RPE: variants seen among roughly 807,000 people sequenced by gnomAD.
RPE encodes the protein ribulose-phosphate 3-epimerase.
RPE carries 16 observed loss-of-function variants against 24.6 expected under a neutral mutation model. The ratio of observed to expected loss-of-function variants is 0.65; its 90% CI spans 0.44 to 0.99. The LOEUF is 0.99. RPE is among the 50% of genes least tolerant of loss of function. The probability of loss-of-function intolerance (pLI) is 0.00; values close to 1 mark genes in which losing one functional copy is unlikely to be tolerated. For synonymous variants in RPE, 93 were observed against 98.4 expected (o/e 0.94, Z 0.33); for missense variants, 240 against 294.5 (o/e 0.81, Z 1.35).
At chr2:210,009,795 A>C in intron 2 of RPE, 59 bp downstream of exon 2, 1 of 1,607,772 alleles carries the variant, frequency 6.2e-7, no homozygotes, top group Middle Eastern at 1.7e-4. Context: ...GGAAAACTGG[A>C]TGGTTGATTT....
chr2:210,012,353 G>T (rs1389445997), intron 2 of RPE, among the ~76,000 whole-genome samples: 2 of 152,198 alleles, frequency 1.3e-5, no homozygotes, highest in Non-Finnish European at 2.9e-5. Flanking sequence ...GTTTGCTGGT[G>T]CCTTAACCAA....
Position 210,009,732 on chromosome 2 carries a change from C to G in RPE, c.198C>G (p.Phe66Leu). Residue 66 changes from phenylalanine to leucine, a missense_variant, in exon 2 of 6, where the codon TTC (phenylalanine) becomes TTG (leucine). Transcript: ENST00000359429. ...GAAAGCAGCTAGGCCAGGACCCTTT[C>G]TTTGGTAAGTGGGTGTTACGCCATC... Reference protein sequence around the residue: ...SLRKQLGQDPFFDMHMMVSKP... With the variant: ...SLRKQLGQDPLFDMHMMVSKP... 6.2e-7 allele frequency: 1 copy of G among 1,614,116 alleles called. No homozygotes were observed. The highest frequency in any genetic ancestry group is 8.5e-7 in the Non-Finnish European group (1 of 1,179,992).
In RPE at chr2:210,002,787, A is replaced by G. The variant is rs749112173; in HGVS notation, c.122+4A>G. ...TGCACCTGGACGTAATGGACGGGTA[A>G]CTCCTCCGGGCTCCGGTCGGGCTTG... On this transcript the variant is annotated splice_donor_region_variant and intron_variant, in intron 1 of 5. Coordinates refer to ENST00000359429, the MANE Select transcript of RPE (RefSeq NM_199229.3). 3.7e-6 allele frequency: 6 copies of G among 1,612,914 alleles called. No homozygotes were observed. Among genetic ancestry groups the G allele is most frequent in the Admixed American group, 3.3e-5 (2 of 59,930 alleles).
chr2:210,017,817 T>C lies in RPE; in HGVS notation c.564+258T>C, dbSNP rs978638553. On this transcript the variant is annotated intron_variant, in intron 5 of 5. Transcript: ENST00000359429. Reference sequence around the variant, plus strand: ...TGGAGTGCAGTGGCGTGATCTCTGCTCACTGCAATCTCTGCCTGCCGGGTT... The same window carrying C: ...TGGAGTGCAGTGGCGTGATCTCTGCCCACTGCAATCTCTGCCTGCCGGGTT... 6.8e-6 allele frequency: 4 copies of C among 588,876 alleles called. No homozygotes were observed. In the African/African-American group the frequency reaches 7.8e-5, roughly 11 times the overall value. 36.5% of individuals were successfully genotyped at this position (588,876 alleles called of 1,614,324 possible).
chr2:210,014,695 T>C (rs1019573280), intron 2 of RPE, among the ~76,000 whole-genome samples: 7 of 151,462 alleles, frequency 4.6e-5, no homozygotes, highest in Admixed American at 2.0e-4. Context: ...ATCTTGACTT[T>C]ATTAGTCAAG....
intron 1 of RPE, 65 bp downstream of exon 1, chr2:210,002,848 C>T: frequency 6.2e-7 from 1 of 1,612,674 alleles, no homozygotes; most frequent in Non-Finnish European, 8.5e-7. Flanking sequence ...CCTTTATTGA[C>T]TGCTTGTTGG....
rs140098212 is a variant in RPE, at chr2:210,011,266, G to A, written c.202+1530G>A. Among the ~76,000 whole-genome samples, 217 of 152,256 alleles carry A rather than the reference G, an allele frequency of 1.4e-3. 7 individuals are homozygous for A. In the East Asian group the frequency reaches 0.037, roughly 26 times the overall value. Reference sequence around the variant, plus strand: ...ATGATTAGCTTATATAGCAGATACCGTGACTTTTCCTATGAATTACGGTTG... The same window carrying A: ...ATGATTAGCTTATATAGCAGATACCATGACTTTTCCTATGAATTACGGTTG... On this transcript the variant is annotated intron_variant, in intron 2 of 5. Transcript: ENST00000359429.
intron 1 of RPE, among the ~76,000 whole-genome samples, chr2:210,005,757 T>G (rs1470131839): frequency 3.9e-5 from 6 of 152,178 alleles, no homozygotes; most frequent in Non-Finnish European, 7.3e-5. Context: ...TTGGCCCCTT[T>G]CCCTATCTGC....
At chr2:210,005,523 G>C (rs1468160698) in intron 1 of RPE, among the ~76,000 whole-genome samples, 1 of 152,128 alleles carries the variant, frequency 6.6e-6, no homozygotes, top group Admixed American at 6.5e-5. Context: ...TGACTAGAAT[G>C]TGTTCATCCT....
intron 5 of RPE, chr2:210,017,975 C>T (rs1392712118): frequency 3.2e-6 from 2 of 619,744 alleles, no homozygotes; most frequent in East Asian, 6.0e-5. Context: ...AAACTCCTGA[C>T]CTCAAGTGAC....
intron 2 of RPE, among the ~76,000 whole-genome samples, chr2:210,015,657 C>T (rs564779334): frequency 6.6e-6 from 1 of 152,102 alleles, no homozygotes; most frequent in Non-Finnish European, 1.5e-5. Flanking sequence ...GATAGTATGA[C>T]TTATTCTTTA....
rs180898872 is a variant in RPE at position 210,010,310 on chromosome 2, G to A, written c.202+574G>A. On this transcript the variant is annotated intron_variant, in intron 2 of 5. Transcript: ENST00000359429. ...AATGTCCTAGTACAATGTAAATTAA[G>A]ATTTTTAAGATTACTTAGTGGCCTA... Among the ~76,000 whole-genome samples, 279 of 152,296 alleles carry A rather than the reference G, an allele frequency of 1.8e-3. 3 individuals carry two copies. The highest frequency in any genetic ancestry group is 0.01 in the Middle Eastern group (3 of 294).
In RPE at chr2:210,019,904, T is replaced by C; in HGVS notation, c.*113T>C. 1 of 1,348,274 alleles carries C rather than the reference T, an allele frequency of 7.4e-7. No homozygotes were observed. The allele number at this position is 1,348,274 out of a possible 1,614,324, so 83.5% of individuals were successfully genotyped here. A position where few individuals can be genotyped will look rare whatever the true frequency, so the allele number is the denominator to read the frequency against. On this transcript the variant is annotated 3_prime_UTR_variant, in exon 6 of 6. Transcript: ENST00000359429. ...AAGCCGTACTGCTTTTTTGAGCAGT[T>C]ATTCATTCCAGTGATTAAAACTGAT...
At chr2:210,002,957 G>T (rs954280749) in intron 1 of RPE, among the ~76,000 whole-genome samples, 174 bp downstream of exon 1, 26 of 152,126 alleles carry the variant, frequency 1.7e-4, no homozygotes, top group African/African-American at 6.0e-4. Context: ...GAGCAGAACC[G>T]ACGCGGTATC....
At chr2:210,015,307 G>A (rs757077978) in intron 2 of RPE, among the ~76,000 whole-genome samples, 1 of 152,092 alleles carries the variant, frequency 6.6e-6, no homozygotes, top group Non-Finnish European at 1.5e-5. Context: ...TTCCTCAGTC[G>A]ATAGTATCTT....
Position 210,017,848 on chromosome 2 carries a change from G to A in RPE, c.564+289G>A, listed in dbSNP as rs1331781946. On this transcript the variant is annotated intron_variant, in intron 5 of 5. Transcript: ENST00000359429. ...CAATCTCTGCCTGCCGGGTTCAAGC[G>A]ATTCTCCTGCCTCAGCCTCCTGAGT... 26 of 564,732 alleles carry A rather than the reference G, an allele frequency of 4.6e-5. No homozygotes were observed. The Admixed American group carries it at 6.6e-4, about 14-fold the overall frequency. The allele number at this position is 564,732 out of a possible 1,614,324, so 35.0% of individuals were successfully genotyped here.
chr2:210,016,480 G>T, intron 3 of RPE, 27 bp from the exon 4 acceptor site: 1 of 1,614,088 alleles, frequency 6.2e-7, no homozygotes, highest in South Asian at 1.1e-5. Flanking sequence ...TTGTAAATGT[G>T]ATATAGCATA....
intron 2 of RPE, among the ~76,000 whole-genome samples, chr2:210,014,360 G>A (rs994974811): frequency 2.0e-5 from 3 of 152,132 alleles, no homozygotes; most frequent in South Asian, 2.1e-4. Flanking sequence ...AAGTGCTGGG[G>A]TTACAGGCGT....
intron 2 of RPE, 130 bp from the exon 3 acceptor site, chr2:210,015,843 A>G (rs2093763808): frequency 1.2e-6 from 1 of 848,322 alleles, no homozygotes; most frequent in Non-Finnish European, 1.8e-6. Context: ...AATTAGAACT[A>G]TTTAAATAAT....
Sources: allele counts gnomAD v4.1 joint callset (sites outside exome capture counted in the v4.1 genomes callset), GRCh38; gene constraint gnomAD v4.1.1; transcripts MANE v1.5; gene names NCBI Gene and HGNC (gene_info 2026-07-23, HGNC 2026-07-21).